Variants in DCLK3 observed in about 807,000 individuals in gnomAD.
DCLK3 encodes doublecortin like kinase 3.
In DCLK3, 30 loss-of-function variants were observed where a neutral mutation model predicts 46.4. The ratio of observed to expected loss-of-function variants is 0.65; its 90% confidence interval spans 0.48 to 0.88. The LOEUF (loss-of-function observed/expected upper bound fraction) is 0.88. Ranked by LOEUF, DCLK3 falls within the 40% of genes least tolerant of loss-of-function variation. The pLI is 0.00. For synonymous variants in DCLK3, 401 were observed against 339.2 expected (o/e 1.18, Z -2.00); for missense variants, 846 against 907.1 (o/e 0.93, Z 0.87).
chr3:36,738,095 C>T lies in DCLK3; in HGVS notation c.1072G>A (p.Ala358Thr). ...CCTTCCTCCCCACTTGCAGGATTTG[C>T]CTCGGGAGACCTCCTGCAGCTTCTG... is the stretch of plus-strand genomic sequence containing the variant. ...RTRSCRRSPE[A>T]NPASGEEGWK... The change falls in exon 2 of 5, where the codon GCA (alanine) becomes ACA (threonine). Residue 358 changes from alanine (A) to threonine (T), a missense_variant. Ala to Thr is a moderately conservative substitution (Grantham distance 58). Transcript: ENST00000636136. 6.2e-7 allele frequency: 1 copy of T among 1,613,616 alleles called. No individual in the cohort carries two copies. Among genetic ancestry groups the T allele is most frequent in the Non-Finnish European group, 8.5e-7 (1 of 1,179,792 alleles).
chr3:36,721,630 G>A lies in DCLK3; in HGVS notation c.1989C>T (p.Thr663=). The change falls in exon 3 of 5, where the codon ACC becomes ACT. Residue 663 remains threonine (T), a synonymous_variant. Coordinates refer to ENST00000636136, the MANE Select transcript of DCLK3 (RefSeq NM_001394672.2). ...LVQRNEDKST[T]LKLADFGLAK... is the part of the protein sequence containing the mutation. ...CAAGTCCAAAATCAGCCAATTTCAA[G>A]GTAGTAGATTTGTCCTCATTTCGCT... The A allele has an allele frequency of 6.2e-7, 1 of 1,614,094 alleles. No homozygotes were observed. Among genetic ancestry groups the A allele is most frequent in the Non-Finnish European group, 8.5e-7 (1 of 1,180,004 alleles).
In DCLK3 at chr3:36,713,652, A is replaced by G. The variant is rs891220857; in HGVS notation, c.*1676T>C. ...CCGAGAAGCCAACTCTAAAATCCAG[A>G]TTAGCATCCAAAAGGCTTATTAGGG... On this transcript the variant is annotated 3_prime_UTR_variant, in exon 5 of 5. Coordinates refer to ENST00000636136, the MANE Select transcript of DCLK3 (RefSeq NM_001394672.2). 1 of 152,214 alleles carries G rather than the reference A, an allele frequency of 6.6e-6. No individual in the cohort carries two copies. The highest frequency in any genetic ancestry group is 2.4e-5 in the African/African-American group (1 of 41,440). The allele number at this position is 152,214 out of a possible 1,614,324, so 9.4% of individuals were successfully genotyped here.
chr3:36,733,597 C>G (rs888613813), intron 2 of DCLK3, among the ~76,000 whole-genome samples: 2 of 152,192 alleles, frequency 1.3e-5, no homozygotes, highest in African/African-American at 4.8e-5. Context: ...CCAGCCAACA[C>G]CACCCAGCAT....
At chr3:36,720,485 C>A (rs1184326631) in intron 3 of DCLK3, among the ~76,000 whole-genome samples, 2 of 149,622 alleles carry the variant, frequency 1.3e-5, no homozygotes, top group African/African-American at 4.9e-5. Context: ...TGACCTCATG[C>A]ATGTTGTCAT....
At chr3:36,742,736 C>G (rs980460246) in intron 1 of DCLK3, among the ~76,000 whole-genome samples, 2 of 152,154 alleles carry the variant, frequency 1.3e-5, no homozygotes, top group Non-Finnish European at 2.9e-5. Context: ...TAGTCTAGAG[C>G]AAAATTTTCT....
intron 1 of DCLK3, among the ~76,000 whole-genome samples, chr3:36,749,284 C>A (rs771138310): frequency 2.0e-5 from 3 of 152,234 alleles, no homozygotes; most frequent in Non-Finnish European, 2.9e-5. Context: ...TACTCTGGGG[C>A]TACTTTCCCT....
intron 2 of DCLK3, among the ~76,000 whole-genome samples, chr3:36,732,930 G>C (rs1193408514): frequency 6.6e-6 from 1 of 152,180 alleles, no homozygotes; most frequent in Non-Finnish European, 1.5e-5. Flanking sequence ...ACAGAATTCA[G>C]ACCAAGAAAG....
chr3:36,731,600 T>C (rs1701199745), intron 2 of DCLK3, among the ~76,000 whole-genome samples: 1 of 152,154 alleles, frequency 6.6e-6, no homozygotes, highest in Admixed American at 6.5e-5. Context: ...ATTAGAAAGA[T>C]GGGGCCACGA....
chr3:36,720,415 C>T (rs1188021839), intron 3 of DCLK3, among the ~76,000 whole-genome samples: 1 of 152,144 alleles, frequency 6.6e-6, no homozygotes, highest in African/African-American at 2.4e-5. Context: ...GACTAATATA[C>T]CAACCAATTG....
intron 2 of DCLK3, among the ~76,000 whole-genome samples, chr3:36,735,477 C>A (rs1701249668): frequency 6.6e-6 from 1 of 152,176 alleles, no homozygotes; most frequent in Admixed American, 6.5e-5. Context: ...TCAATGTAGA[C>A]CTCATTTCAC....
chr3:36,755,341 T>C (rs1701476474), intron 1 of DCLK3, among the ~76,000 whole-genome samples: 1 of 152,154 alleles, frequency 6.6e-6, no homozygotes, highest in African/African-American at 2.4e-5. Context: ...TTACAATGTC[T>C]TGGTACTTGC....
intron 1 of DCLK3, among the ~76,000 whole-genome samples, chr3:36,753,364 G>A (rs781021747): frequency 4.2e-4 from 64 of 151,974 alleles, no homozygotes; most frequent in Non-Finnish European, 1.9e-4. Context: ...CCCACACATC[G>A]CGTTTGTGGC....
Position 36,738,279 on chromosome 3 carries a change from C to T in DCLK3, c.888G>A (p.Val296=), listed in dbSNP as rs772820274. Residue 296 remains valine, a synonymous_variant, in exon 2 of 5, where the codon GTG becomes GTA. Transcript: ENST00000636136. ...RHARGEKHLG[V]EIEKTSGEII... ...TTTCACCCGAGGTCTTTTCAATCTCCACCCCAAGATGCTTCTCTCCCCTTG... is the reference window on the plus strand; with the variant it reads ...TTTCACCCGAGGTCTTTTCAATCTCTACCCCAAGATGCTTCTCTCCCCTTG... 6.5e-7 allele frequency: 1 copy of T among 1,535,262 alleles called. No homozygotes were observed.
At chr3:36,739,581 A>C (rs1701322192) in intron 1 of DCLK3, among the ~76,000 whole-genome samples, 1 of 152,190 alleles carries the variant, frequency 6.6e-6, no homozygotes, top group African/African-American at 2.4e-5. Context: ...CCATCCATGT[A>C]AGATGGGACT....
chr3:36,726,693 C>T (rs1455643476), intron 2 of DCLK3, among the ~76,000 whole-genome samples: 1 of 152,174 alleles, frequency 6.6e-6, no homozygotes, highest in Non-Finnish European at 1.5e-5. Flanking sequence ...TGCTGAGCCC[C>T]AGTCACCACC....
In DCLK3 at chr3:36,737,365, T is replaced by C. The variant is rs926280843; in HGVS notation, c.1802A>G (p.Glu601Gly). 1 of 1,614,226 alleles carries C rather than the reference T, an allele frequency of 6.2e-7. No individual in the cohort carries two copies. Among genetic ancestry groups the C allele is most frequent in the South Asian group, 1.1e-5 (1 of 91,084 alleles). The change falls in exon 2 of 5, where the codon GAG (glutamate) becomes GGG (glycine). Residue 601 changes from glutamate to glycine, a missense_variant. Glu to Gly is a moderately conservative substitution (Grantham distance 98). Transcript: ENST00000636136. The surrounding 1 kb of genome is among the most constrained non-coding windows in gnomAD (Gnocchi z 4.4). ...ETDMEIYLIL[E>G]YVQGGDLFDA... is the part of the protein sequence containing the mutation. Reference sequence around the variant, plus strand: ...AAAAAGGTCTCCTCCCTGCACGTACTCCAGGATCAGGTAGATTTCCATGTC... The same window carrying C: ...AAAAAGGTCTCCTCCCTGCACGTACCCCAGGATCAGGTAGATTTCCATGTC...
At chr3:36,754,715 A>C (rs1199299848) in intron 1 of DCLK3, among the ~76,000 whole-genome samples, 1 of 152,178 alleles carries the variant, frequency 6.6e-6, no homozygotes, top group Non-Finnish European at 1.5e-5. Context: ...TCTGTGATGG[A>C]GAAAACCTAT....
intron 2 of DCLK3, among the ~76,000 whole-genome samples, chr3:36,730,085 G>T (rs149438657): frequency 2.0e-5 from 3 of 151,972 alleles, no homozygotes; most frequent in Admixed American, 6.6e-5. Flanking sequence ...AGGCTAAGGT[G>T]GGGGGAGTCT....
At chr3:36,745,632 A>T (rs1278141042) in intron 1 of DCLK3, among the ~76,000 whole-genome samples, 1 of 152,186 alleles carries the variant, frequency 6.6e-6, no homozygotes, top group Non-Finnish European at 1.5e-5. Flanking sequence ...CAGATTAATC[A>T]CTTGTGGCCT....
Sources: gnomAD v4.1 joint callset for allele counts (sites outside exome capture counted in the v4.1 genomes callset) on GRCh38, gnomAD v4.1.1 for gene constraint, Gnocchi (gnomAD v3.1) non-coding constraint, MANE v1.5 for transcripts, NCBI Gene and HGNC (gene_info 2026-07-23, HGNC 2026-07-21) for gene names.